The following DNAH1 variants were observed in gnomAD, a reference collection of about 807,000 sequenced individuals.
DNAH1 encodes the protein dynein axonemal heavy chain 1.
In DNAH1, 327 loss-of-function variants were observed where a neutral mutation model predicts 484.3. That is an observed-to-expected ratio of 0.68 (90% CI 0.62 to 0.74). DNAH1 has a LOEUF of 0.74. Ranked by LOEUF, DNAH1 falls within the 30% of genes least tolerant of loss-of-function variation. The pLI, the probability that DNAH1 is intolerant of heterozygous loss-of-function variation, is 0.00. For synonymous variants in DNAH1, 2,192 were observed against 2,191.9 expected, an observed-to-expected ratio of 1.00 and a Z score of 0.00; for missense variants, 5,052 against 5,546.8, an observed-to-expected ratio of 0.91 and a Z score of 2.83.
intron 50 of DNAH1, 125 bp downstream of exon 50, chr3:52,382,580 A>AT: frequency 6.9e-7 from 1 of 1,450,018 alleles, no homozygotes; most frequent in Non-Finnish European, 9.3e-7. Flanking sequence ...CTCAGAAGAG[A>AT]CCACCAGGAC....
intron 41 of DNAH1, 123 bp from the exon 42 acceptor site, chr3:52,371,822 TG>T: frequency 1.4e-6 from 2 of 1,414,868 alleles, no homozygotes; most frequent in Non-Finnish European, 1.9e-6. Context: ...GCCCTGCACC[TG>T]GACCCGCTTG....
intron 11 of DNAH1, among the ~76,000 whole-genome samples, 152 bp from the exon 12 acceptor site, chr3:52,347,672 T>C (rs1370722453): frequency 6.6e-6 from 1 of 152,140 alleles, no homozygotes; most frequent in African/African-American, 2.4e-5. Context: ...TCTTCCTCTC[T>C]GGTAACTTGG....
intron 21 of DNAH1, 130 bp from the exon 22 acceptor site, chr3:52,356,484 G>A (rs1702614035): frequency 1.2e-6 from 1 of 858,084 alleles, no homozygotes; most frequent in African/African-American, 1.7e-5. Flanking sequence ...TCTCCCTGTA[G>A]ACACTGGCTT....
intron 3 of DNAH1, among the ~76,000 whole-genome samples, 175 bp from the exon 4 acceptor site, chr3:52,325,965 A>G (rs1701322129): frequency 1.3e-5 from 2 of 152,182 alleles, no homozygotes; most frequent in Admixed American, 6.5e-5. Context: ...TCATAGCCCC[A>G]GGACACCTGG....
At chr3:52,367,154 T>C (rs970851711) in intron 36 of DNAH1, among the ~76,000 whole-genome samples, 6 of 152,110 alleles carry the variant, frequency 3.9e-5, no homozygotes, top group Admixed American at 6.5e-5. Context: ...GCCTCTGCAG[T>C]ATCTGGCCAT....
rs1336608731 is a variant in DNAH1 at position 52,362,607 on chromosome 3, G to A, written c.5094+106G>A. The A allele has an allele frequency of 4.9e-6, 5 of 1,026,850 alleles. No homozygotes were observed. Among genetic ancestry groups the A allele is most frequent in the South Asian group, 2.9e-5 (2 of 68,598 alleles). The allele number at this position is 1,026,850 out of a possible 1,614,324, so 63.6% of individuals were successfully genotyped here. A position where few individuals can be genotyped will look rare whatever the true frequency, so the allele number is the denominator to read the frequency against. On this transcript the variant is annotated intron_variant, in intron 31 of 77. Transcript: ENST00000420323. The surrounding 1 kb of genome is among the most constrained non-coding windows in gnomAD (Gnocchi z 5.1). ...CACAGTTGCTTGGACTCCAGGGACT[G>A]TGATTCCCTATGGTAGCCCCTTAGC...
At chr3:52,382,967 C>G (rs1703921921) in intron 50 of DNAH1, among the ~76,000 whole-genome samples, 1 of 152,238 alleles carries the variant, frequency 6.6e-6, no homozygotes, top group African/African-American at 2.4e-5. Context: ...CAGCCCTGTC[C>G]CAACCCCAGA....
Position 52,361,447 on chromosome 3 carries a change from G to A in DNAH1, c.4874+95G>A, listed in dbSNP as rs1199286811. 47 of 1,407,216 alleles carry A rather than the reference G, an allele frequency of 3.3e-5. No individual in the cohort carries two copies. The highest frequency in any genetic ancestry group is 2.3e-4 in the East Asian group (9 of 39,810). 87.2% of individuals were successfully genotyped at this position (1,407,216 alleles called of 1,614,324 possible). ...GAGGGCAGTGCCTGAGAGGGGCCTC[G>A]AAGGATGGTGGAGGGGACAGAAGGG... On this transcript the variant is annotated intron_variant, in intron 29 of 77. Transcript: ENST00000420323. This position sits in a 1 kb window ranked among gnomAD's most constrained non-coding sequence, Gnocchi z 5.6.
chr3:52,374,554 C>T (rs1002458926), intron 44 of DNAH1: 13 of 1,500,440 alleles, frequency 8.7e-6, no homozygotes, highest in Non-Finnish European at 1.2e-5. Flanking sequence ...CGGCAGTTGG[C>T]CAAATGTGTC....
chr3:52,386,229 G>A lies in DNAH1; in HGVS notation c.8695G>A (p.Ala2899Thr). The A allele has an allele frequency of 1.2e-6, 2 of 1,613,736 alleles. No homozygotes were observed. The highest frequency in any genetic ancestry group is 2.2e-5 in the South Asian group (2 of 91,032). ...AGAGGAGATCAAAGCCAATGAGAAG[G>A]CCAAGAAGGCACAAGCTATTGCTGA... ...QTEEIKANEK[A>T]KKAQAIADDA... The change falls in exon 55 of 78, where the codon GCC becomes ACC. Residue 2899 changes from alanine to threonine, a missense_variant. Physicochemically the swap from Ala to Thr is moderately conservative, Grantham distance 58 (BLOSUM62 0). Around this residue, in one of 4 missense-constraint regions of DNAH1, gnomAD observed 2,929 missense variants for 3,409.4 expected, o/e 0.86. Coordinates refer to ENST00000420323, the MANE Select transcript of DNAH1 (RefSeq NM_015512.5).
chr3:52,362,394 C>T lies in DNAH1; in HGVS notation c.4987C>T (p.Arg1663Cys), dbSNP rs17052097. Residue 1663 changes from arginine to cysteine, a missense_variant, in exon 31 of 78, where the codon CGC becomes TGC. This residue lies in a region of DNAH1 where 2,929 missense variants were observed against 3,409.4 expected (regional missense o/e 0.86). Transcript: ENST00000420323. This position sits in a 1 kb window ranked among gnomAD's most constrained non-coding sequence, Gnocchi z 5.1. ...CAGCCTCTCCCCACTGCAGGTGGAA[C>T]GCTTCATGTTTGAGGGTGTGGAGAT... ...IQKAQQQRVE[R>C]FMFEGVEIPL... The T allele has an allele frequency of 2.2e-3, 3,526 of 1,613,448 alleles. 62 individuals are homozygous for T. In the Admixed American group the frequency reaches 0.033, roughly 15 times the overall value.
In DNAH1 at chr3:52,361,734, A is replaced by G; in HGVS notation, c.4948A>G (p.Ile1650Val). ...IEVLSVVAQQ[I>V]TTIQKAQQQR... is the part of the protein sequence containing the mutation. ...GGTGCTGTCTGTGGTGGCGCAGCAG[A>G]TCACCACCATCCAGAAGGCGCAGCA... is the stretch of plus-strand genomic sequence containing the variant. Residue 1650 changes from isoleucine (I) to valine (V), a missense_variant, in exon 30 of 78, where the codon ATC (isoleucine) becomes GTC (valine). Ile to Val is a conservative substitution (Grantham distance 29, BLOSUM62 3). Transcript: ENST00000420323. This position sits in a 1 kb window ranked among gnomAD's most constrained non-coding sequence, Gnocchi z 5.6. 6.2e-7 allele frequency: 1 copy of G among 1,610,556 alleles called. No homozygotes were observed.
chr3:52,384,150 T>C, intron 52 of DNAH1, 119 bp downstream of exon 52: 1 of 1,120,182 alleles, frequency 8.9e-7, no homozygotes, highest in Non-Finnish European at 1.2e-6. Context: ...AAGCTTTTGG[T>C]CAGGCTGTGT....
intron 65 of DNAH1, 35 bp from the exon 66 acceptor site, chr3:52,393,299 C>A (rs758985188): frequency 6.2e-6 from 10 of 1,610,352 alleles, no homozygotes; most frequent in Non-Finnish European, 2.5e-6. Flanking sequence ...CTTCCTCTCA[C>A]CTCTCCGCGC....
chr3:52,378,149 G>A (rs866663195), intron 46 of DNAH1, among the ~76,000 whole-genome samples: 2 of 152,076 alleles, frequency 1.3e-5, no homozygotes, highest in Non-Finnish European at 2.9e-5. Context: ...AGGCAGCCCC[G>A]AAGTGGGTGG....
At chr3:52,360,130 CA>C in intron 27 of DNAH1, 51 bp downstream of exon 27, 1 of 1,610,148 alleles carries the variant, frequency 6.2e-7, no homozygotes, top group Non-Finnish European at 8.5e-7. Flanking sequence ...CAGGAAGGGG[CA>C]GGGGAAAAGA....
At chr3:52,373,156 A>G in intron 44 of DNAH1, 103 bp downstream of exon 44, 1 of 1,372,720 alleles carries the variant, frequency 7.3e-7, no homozygotes, top group Non-Finnish European at 9.5e-7. Context: ...GGCACCCACA[A>G]AAATGTTTTA....
upstream of DNAH1, among the ~76,000 whole-genome samples, chr3:52,314,171 C>T (rs1700877020): frequency 6.6e-6 from 1 of 152,208 alleles, no homozygotes; most frequent in African/African-American, 2.4e-5. Flanking sequence ...AGCTGACGCT[C>T]ACCAAACTCC....
At chr3:52,329,689 A>G (rs1037121115) in intron 6 of DNAH1, among the ~76,000 whole-genome samples, 2 of 152,036 alleles carry the variant, frequency 1.3e-5, no homozygotes, top group African/African-American at 4.8e-5. Context: ...GCTGGGCATG[A>G]TGGTGTGCAC....
Sources: allele counts gnomAD v4.1 joint callset (sites outside exome capture counted in the v4.1 genomes callset), GRCh38; gene constraint gnomAD v4.1.1; regional missense constraint gnomAD v4.1.1; non-coding constraint Gnocchi (gnomAD v3.1); transcripts MANE v1.5; gene names NCBI Gene and HGNC (gene_info 2026-07-23, HGNC 2026-07-21).